Variants in DIP2C observed in about 807,000 individuals in gnomAD.
The protein encoded by DIP2C is DIP2 acetate--CoA ligase C (putative).
Under a neutral mutation model 192.4 loss-of-function variants are expected in DIP2C, and 33 were observed. The observed-to-expected ratio is 0.17, with a 90% CI of 0.13 to 0.23. The LOEUF (loss-of-function observed/expected upper bound fraction) is 0.23, where lower values mean the gene tolerates loss of function less well. Among genes scored for constraint, DIP2C ranks in the 10% least tolerant of loss-of-function variants. The pLI is 1.00. For missense variants in DIP2C, 1,537 were observed against 2,110.1 expected, an observed-to-expected ratio of 0.73 and a Z score of 5.32; for synonymous variants, 979 against 864.1, an observed-to-expected ratio of 1.13 and a Z score of -2.33.
At chr10:677,627 T>C (rs1564334398) in intron 1 of DIP2C, among the ~76,000 whole-genome samples, 1 of 152,266 alleles carries the variant, frequency 6.6e-6, no homozygotes, top group Non-Finnish European at 1.5e-5. Flanking sequence ...ATTTCTGCAA[T>C]ACCATTAGGT....
chr10:511,750 A>AG (rs1253242350), intron 1 of DIP2C, among the ~76,000 whole-genome samples: 1 of 152,202 alleles, frequency 6.6e-6, no homozygotes, highest in Non-Finnish European at 1.5e-5. Flanking sequence ...ACCGAACAGG[A>AG]GCTAGAGAGA....
chr10:364,859 G>T (rs911211675), intron 19 of DIP2C: 1 of 631,400 alleles, frequency 1.6e-6, no homozygotes, highest in Non-Finnish European at 3.0e-6. Flanking sequence ...ATAACACCCA[G>T]AAGTCTCACA....
At chr10:624,884 A>G (rs963040293) in intron 1 of DIP2C, among the ~76,000 whole-genome samples, 33 of 151,052 alleles carry the variant, frequency 2.2e-4, no homozygotes, top group Non-Finnish European at 3.3e-4. Context: ...CCGGGGGGGG[A>G]GCCGCACTGG....
At chr10:325,451 T>G (rs1018157559) in intron 31 of DIP2C, among the ~76,000 whole-genome samples, 25 of 152,124 alleles carry the variant, frequency 1.6e-4, no homozygotes, top group African/African-American at 6.0e-4. Context: ...AGCGCCACCT[T>G]GACATTTTAA....
chr10:571,549 C>T (rs375574857), intron 1 of DIP2C, among the ~76,000 whole-genome samples: 2 of 152,072 alleles, frequency 1.3e-5, no homozygotes, highest in South Asian at 4.2e-4. Flanking sequence ...TCCTTTCAGC[C>T]CTCACCTTCC....
intron 1 of DIP2C, among the ~76,000 whole-genome samples, chr10:597,102 G>A (rs1484673930): frequency 6.6e-6 from 1 of 152,202 alleles, no homozygotes. Flanking sequence ...TCCACCCAGG[G>A]CTCCAGGGCT....
chr10:400,514 G>A (rs1353996348), intron 9 of DIP2C, among the ~76,000 whole-genome samples: 5 of 152,230 alleles, frequency 3.3e-5, no homozygotes, highest in African/African-American at 1.2e-4. Flanking sequence ...TTCTGGACAA[G>A]TTTGGTACAT....
chr10:646,928 T>C (rs1354950816), intron 1 of DIP2C, among the ~76,000 whole-genome samples: 1 of 152,270 alleles, frequency 6.6e-6, no homozygotes, highest in Non-Finnish European at 1.5e-5. Flanking sequence ...TAAAAACAAC[T>C]GCCTTCATAC....
rs528679326 is a variant in DIP2C, at chr10:541,203, T to C, written c.86-54673A>G. On this transcript the variant is annotated intron_variant, in intron 1 of 36. Transcript: ENST00000280886. ...AACACGTTCTACCACGCAACATTCATGGACCCTGAGTCCGGCCACCACCGC... is the reference window on the plus strand; with the variant it reads ...AACACGTTCTACCACGCAACATTCACGGACCCTGAGTCCGGCCACCACCGC... 1.8e-4 allele frequency among the ~76,000 whole-genome samples: 28 copies of C among 152,268 alleles called. No homozygotes were observed. The East Asian group carries it at 5.2e-3, about 28-fold the overall frequency.
chr10:485,392 C>G (rs1843209853), intron 2 of DIP2C, among the ~76,000 whole-genome samples: 1 of 152,188 alleles, frequency 6.6e-6, no homozygotes. Flanking sequence ...CCCCAGCATT[C>G]CAGCCCAGCC....
intron 1 of DIP2C, among the ~76,000 whole-genome samples, chr10:595,217 C>T (rs896092862): frequency 2.0e-5 from 3 of 152,172 alleles, no homozygotes; most frequent in African/African-American, 4.8e-5. Context: ...GTACAGCCAA[C>T]GTCCCCTCAC....
At chr10:627,953 A>G (rs1854296582) in intron 1 of DIP2C, among the ~76,000 whole-genome samples, 1 of 152,192 alleles carries the variant, frequency 6.6e-6, no homozygotes, top group African/African-American at 2.4e-5. Context: ...ATCTGTAACG[A>G]CTTTGCTGTT....
chr10:297,782 A>G (rs927598157), intron 32 of DIP2C, among the ~76,000 whole-genome samples: 1 of 152,186 alleles, frequency 6.6e-6, no homozygotes, highest in Non-Finnish European at 1.5e-5. Flanking sequence ...ACAGTAATTT[A>G]TCATTCAAAT....
At chr10:667,370 G>A (rs1857158968) in intron 1 of DIP2C, 1 of 152,324 alleles carries the variant, frequency 6.6e-6, no homozygotes, top group African/African-American at 2.4e-5. Context: ...ACATGCTGCT[G>A]CTTCTAGGCT....
At chr10:477,177 G>A (rs1210354854) in intron 2 of DIP2C, among the ~76,000 whole-genome samples, 2 of 143,718 alleles carry the variant, frequency 1.4e-5, no homozygotes, top group African/African-American at 2.7e-5. Context: ...AACAGGCTTA[G>A]CAAAGTCAGC....
At chr10:378,598 C>A (rs1227289752) in intron 17 of DIP2C, among the ~76,000 whole-genome samples, 2 of 144,056 alleles carry the variant, frequency 1.4e-5, no homozygotes, top group Non-Finnish European at 3.0e-5. Flanking sequence ...GACATAGACA[C>A]ACATGAACAG....
At chr10:662,693 G>T in intron 1 of DIP2C, 1 of 553,766 alleles carries the variant, frequency 1.8e-6, no homozygotes, top group South Asian at 2.9e-5. Context: ...ATCAAATTAG[G>T]TATGGGCAGA....
chr10:356,320 A>T lies in DIP2C; in HGVS notation c.2985+106T>A, dbSNP rs1051880207. ...ATAGCAAAACATAAAAAGAATTCCCATAAGACTGAAGCAAAAGGATTCAAA... is the reference window on the plus strand; with the variant it reads ...ATAGCAAAACATAAAAAGAATTCCCTTAAGACTGAAGCAAAAGGATTCAAA... On this transcript the variant is annotated intron_variant, in intron 24 of 36. Coordinates refer to ENST00000280886, the MANE Select transcript of DIP2C (RefSeq NM_014974.3). 7.0e-6 allele frequency: 9 copies of T among 1,294,012 alleles called. No homozygotes were observed. In the Admixed American group the frequency reaches 1.0e-4, roughly 15 times the overall value. The allele number at this position is 1,294,012 out of a possible 1,614,324, so 80.2% of individuals were successfully genotyped here.
intron 3 of DIP2C, among the ~76,000 whole-genome samples, chr10:454,831 G>A (rs553950023): frequency 6.6e-6 from 1 of 152,252 alleles, no homozygotes; most frequent in African/African-American, 2.4e-5. Context: ...AGAGAAAGAG[G>A]TAGTATACAA....
Sources: gnomAD v4.1 joint callset for allele counts (sites outside exome capture counted in the v4.1 genomes callset) on GRCh38, gnomAD v4.1.1 for gene constraint, MANE v1.5 for transcripts, NCBI Gene and HGNC (gene_info 2026-07-23, HGNC 2026-07-21) for gene names.